The following SCFD2 variants were observed in gnomAD, a reference collection of about 807,000 sequenced individuals.
SCFD2 encodes sec1 family domain containing 2, also known as sec1 family domain-containing protein 2.
In SCFD2, 54 loss-of-function variants were observed where a neutral mutation model predicts 58.9. The ratio of observed to expected loss-of-function variants is 0.92; its 90% CI spans 0.74 to 1.15. The LOEUF is 1.15. Among genes scored for constraint, SCFD2 ranks in the 50% most tolerant of loss-of-function variants. The pLI is 0.00. For missense variants in SCFD2, 805 were observed against 836.6 expected (o/e 0.96, Z 0.47); for synonymous variants, 321 against 335.9 (o/e 0.96, Z 0.49).
At chr4:53,328,331 A>G (rs1264135150) in intron 2 of SCFD2, among the ~76,000 whole-genome samples, 1 of 152,130 alleles carries the variant, frequency 6.6e-6, no homozygotes, top group East Asian at 1.9e-4. Flanking sequence ...TTCTCCACCA[A>G]AAAGAATCAG....
chr4:53,282,696 G>A (rs111870361), intron 3 of SCFD2, among the ~76,000 whole-genome samples: 2,504 of 151,950 alleles, frequency 0.016, 35 homozygotes, highest in Non-Finnish European at 0.024. Flanking sequence ...GCTAAAAGAC[G>A]TAACTGTACT....
intron 5 of SCFD2, among the ~76,000 whole-genome samples, chr4:52,951,840 A>G (rs572050549): frequency 2.6e-5 from 4 of 152,350 alleles, no homozygotes; most frequent in African/African-American, 7.2e-5. Flanking sequence ...ATGTAAAATC[A>G]GCAAGAAATA....
chr4:53,090,372 G>A (rs1577718670), intron 5 of SCFD2, among the ~76,000 whole-genome samples: 2 of 152,158 alleles, frequency 1.3e-5, no homozygotes, highest in East Asian at 3.9e-4. Context: ...AGATAGAATG[G>A]AAAAGGAAAG....
chr4:52,991,284 A>G (rs1721607977), intron 5 of SCFD2, among the ~76,000 whole-genome samples: 1 of 152,200 alleles, frequency 6.6e-6, no homozygotes, highest in Non-Finnish European at 1.5e-5. Context: ...AAAATCTCTG[A>G]GATTGGTATT....
intron 5 of SCFD2, among the ~76,000 whole-genome samples, chr4:52,977,779 T>C (rs564572162): frequency 3.3e-5 from 5 of 152,210 alleles, no homozygotes; most frequent in African/African-American, 7.2e-5. Flanking sequence ...TTCAGGTATA[T>C]GAGTAAGGAA....
intron 4 of SCFD2, among the ~76,000 whole-genome samples, chr4:53,183,411 C>A (rs1727639658): frequency 6.6e-6 from 1 of 152,104 alleles, no homozygotes; most frequent in Non-Finnish European, 1.5e-5. Flanking sequence ...GACAAAAAAA[C>A]CAAACACCGC....
chr4:53,237,354 C>T (rs1460128141), intron 4 of SCFD2, among the ~76,000 whole-genome samples: 1 of 151,782 alleles, frequency 6.6e-6, no homozygotes, highest in Non-Finnish European at 1.5e-5. Context: ...GAGCTGTTGG[C>T]TACACCTCCC....
intron 5 of SCFD2, among the ~76,000 whole-genome samples, chr4:53,069,141 C>T (rs1162059111): frequency 1.3e-5 from 2 of 151,980 alleles, no homozygotes; most frequent in Non-Finnish European, 2.9e-5. Context: ...CTGAAGGATC[C>T]GCTAGGGAAT....
chr4:53,332,025 C>CACT (rs1733493015), intron 2 of SCFD2, among the ~76,000 whole-genome samples: 1 of 152,186 alleles, frequency 6.6e-6, no homozygotes, highest in Admixed American at 6.5e-5. Flanking sequence ...TTGCCACATA[C>CACT]ACTCTCCCAA....
At chr4:53,287,017 G>A (rs1302317613) in intron 3 of SCFD2, among the ~76,000 whole-genome samples, 8 of 152,056 alleles carry the variant, frequency 5.3e-5, no homozygotes, top group Non-Finnish European at 5.9e-5. Flanking sequence ...AGGGCCTGAC[G>A]TTCTAGAACA....
chr4:53,081,673 C>T (rs771672664), intron 5 of SCFD2, among the ~76,000 whole-genome samples: 1 of 152,120 alleles, frequency 6.6e-6, no homozygotes, highest in Non-Finnish European at 1.5e-5. Context: ...AAAATTGACA[C>T]ATAATTCACA....
At position 52,920,776 on chromosome 4, in the gene SCFD2, A is replaced by C. The variant is rs766036705; in HGVS notation, c.1656T>G (p.Ser552Arg). ...ATACAGACTTAAACTGTTTCAGGAG[A>C]CTCCGAGCTCCAGCAATATCCCGAA... Reference protein sequence around the residue: ...TSLRDIAGARSLLKQFKSVYV... With the variant: ...TSLRDIAGARRLLKQFKSVYV... The change falls in exon 6 of 9, where the codon AGT (serine) becomes AGG (arginine). Residue 552 changes from serine (S) to arginine (R), a missense_variant. Ser to Arg is a moderately radical substitution (Grantham distance 110, BLOSUM62 -1). This residue lies in a region of SCFD2 where 633 missense variants were observed against 646.8 expected (regional missense o/e 0.98). Transcript: ENST00000401642. The C allele has an allele frequency of 6.2e-7, 1 of 1,610,982 alleles. No individual in the cohort carries two copies. Among genetic ancestry groups the C allele is most frequent in the Non-Finnish European group, 8.5e-7 (1 of 1,178,010 alleles).
chr4:53,186,787 C>G (rs1257160927), intron 4 of SCFD2, among the ~76,000 whole-genome samples: 2 of 151,934 alleles, frequency 1.3e-5, no homozygotes, highest in Admixed American at 1.3e-4. Flanking sequence ...GGAGCCAGCT[C>G]TGAGTTAGGC....
intron 5 of SCFD2, among the ~76,000 whole-genome samples, chr4:53,136,240 T>C (rs918994296): frequency 9.2e-5 from 14 of 152,162 alleles, no homozygotes; most frequent in Admixed American, 4.6e-4. Context: ...GGACTGGGAA[T>C]TGGGAGACAC....
intron 5 of SCFD2, among the ~76,000 whole-genome samples, chr4:53,112,533 A>G (rs1047090921): frequency 1.7e-4 from 26 of 152,194 alleles, no homozygotes; most frequent in African/African-American, 6.0e-4. Flanking sequence ...AGCCCTAAAA[A>G]TTTGCATCCT....
chr4:53,041,329 C>A (rs1231239770), intron 5 of SCFD2, among the ~76,000 whole-genome samples: 2 of 152,130 alleles, frequency 1.3e-5, no homozygotes, highest in Non-Finnish European at 2.9e-5. Flanking sequence ...CTGGTGAATT[C>A]ATAAGGTATG....
intron 4 of SCFD2, among the ~76,000 whole-genome samples, chr4:53,237,522 A>C (rs867361084): frequency 6.6e-5 from 3 of 45,342 alleles, no homozygotes; most frequent in Non-Finnish European, 1.2e-4. Flanking sequence ...CGGGGGGCTG[A>C]CCCCCACCTC....
intron 5 of SCFD2, among the ~76,000 whole-genome samples, chr4:52,955,375 C>T (rs747662609): frequency 9.2e-5 from 14 of 152,292 alleles, no homozygotes; most frequent in Middle Eastern, 6.8e-3. Context: ...GATCTCACAG[C>T]CTCCATGTGA....
At chr4:53,029,469 AC>A (rs1722562456) in intron 5 of SCFD2, among the ~76,000 whole-genome samples, 1 of 152,158 alleles carries the variant, frequency 6.6e-6, no homozygotes, top group Non-Finnish European at 1.5e-5. Flanking sequence ...CATGCACTCC[AC>A]CTTGAAGACC....
Sources: gnomAD v4.1 joint callset for allele counts (sites outside exome capture counted in the v4.1 genomes callset) on GRCh38, gnomAD v4.1.1 for gene constraint, gnomAD v4.1.1 regional missense constraint, MANE v1.5 for transcripts, NCBI Gene and HGNC (gene_info 2026-07-23, HGNC 2026-07-21) for gene names.